The following FANK1 variants were observed in gnomAD, a reference collection of about 807,000 sequenced individuals.
FANK1 encodes fibronectin type III and ankyrin repeat domains 1, also known as fibronectin type 3 and ankyrin repeat domains protein 1.
A neutral mutation model predicts 45.3 loss-of-function variants in FANK1; 44 were observed. That is an observed-to-expected ratio of 0.97 (90% CI 0.76 to 1.25). FANK1 has a LOEUF of 1.25. FANK1 is among the 50% of genes most tolerant of loss of function. FANK1 has a pLI of 0.00. For synonymous variants in FANK1, 149 were observed against 152.5 expected (o/e 0.98, Z 0.17); for missense variants, 391 against 424.4 (o/e 0.92, Z 0.69).
chr10:125,913,037 AC>A (rs1405164106), intron 1 of FANK1, among the ~76,000 whole-genome samples: 1 of 152,244 alleles, frequency 6.6e-6, no homozygotes, highest in African/African-American at 2.4e-5. Flanking sequence ...ACAAATCAGA[AC>A]AAAAATCTAT....
chr10:125,967,443 GA>G (rs1282053228), intron 1 of FANK1, among the ~76,000 whole-genome samples: 1 of 152,202 alleles, frequency 6.6e-6, no homozygotes, highest in Admixed American at 6.5e-5. Flanking sequence ...AAAGTCTTGT[GA>G]AAACTTAGCT....
chr10:126,005,078 C>T (rs201296712), intron 7 of FANK1, 29 bp downstream of exon 7: 9 of 1,588,342 alleles, frequency 5.7e-6, no homozygotes, highest in Non-Finnish European at 7.7e-6. Flanking sequence ...TAACCACGCA[C>T]ATATCGTTAA....
In FANK1 at chr10:125,919,195, A is replaced by ATTTTTTTTTTTTT. The variant is rs142716284; in HGVS notation, c.13+22556_13+22568dup. 2.6e-3 allele frequency among the ~76,000 whole-genome samples: 135 copies of ATTTTTTTTTTTTT among 51,878 alleles called. 18 individuals carry two copies. The highest frequency in any genetic ancestry group is 0.019 in the Middle Eastern group (1 of 54). The allele number at this position is 51,878 out of a possible 152,430, so 34.0% of individuals were successfully genotyped here. A position where few individuals can be genotyped will look rare whatever the true frequency, so the allele number is the denominator to read the frequency against. On this transcript the variant is annotated intron_variant, in intron 1 of 10. Transcript: ENST00000368693. ...AGTAAAATACTTCCAGGAGGTAAGA[A>ATTTTTTTTTTTTT]TTTTTTTTTTTTTTTTTTTTTTTTT... is the stretch of plus-strand genomic sequence containing the variant.
intron 1 of FANK1, among the ~76,000 whole-genome samples, chr10:125,898,145 C>T (rs529966482): frequency 3.0e-4 from 46 of 151,982 alleles, no homozygotes; most frequent in Admixed American, 2.3e-3. Flanking sequence ...CCAGATTGCA[C>T]CGCTGCACTC....
intron 1 of FANK1, among the ~76,000 whole-genome samples, chr10:125,928,855 T>C (rs914982375): frequency 1.3e-5 from 2 of 152,226 alleles, no homozygotes; most frequent in Admixed American, 6.5e-5. Flanking sequence ...TCTTATATTA[T>C]GGACCAAAGT....
At chr10:126,007,676 TATGCGTGTGTGCACACACGA>T (rs2133357463) in intron 7 of FANK1, among the ~76,000 whole-genome samples, 1 of 111,846 alleles carries the variant, frequency 8.9e-6, no homozygotes, top group African/African-American at 3.0e-5. Context: ...GTGCACATGG[TATGCGTGTGTGCACACACGA>T]GTGTGTGTGC....
chr10:125,966,080 C>CAA (rs1950188199), intron 1 of FANK1, among the ~76,000 whole-genome samples: 1 of 152,106 alleles, frequency 6.6e-6, no homozygotes, highest in East Asian at 1.9e-4. Context: ...AGCAATGTTT[C>CAA]CCCATTACTA....
At chr10:125,964,602 T>G (rs948180164) in intron 1 of FANK1, among the ~76,000 whole-genome samples, 9 of 152,236 alleles carry the variant, frequency 5.9e-5, no homozygotes, top group Admixed American at 4.6e-4. Context: ...TTAACTTTAG[T>G]CTTAACTGCT....
chr10:125,908,790 A>T (rs1945751613), intron 1 of FANK1, among the ~76,000 whole-genome samples: 1 of 152,222 alleles, frequency 6.6e-6, no homozygotes, highest in Admixed American at 6.5e-5. Flanking sequence ...ACCACTTAAA[A>T]AAGAACATGT....
intron 6 of FANK1, among the ~76,000 whole-genome samples, chr10:125,998,469 T>C (rs1952508451): frequency 6.6e-6 from 1 of 151,630 alleles, no homozygotes. Context: ...AAAAGAAAAA[T>C]AGCAATCTGA....
intron 1 of FANK1, among the ~76,000 whole-genome samples, chr10:125,939,953 C>CA (rs2134152020): frequency 6.7e-6 from 1 of 149,420 alleles, no homozygotes; most frequent in East Asian, 1.9e-4. Flanking sequence ...TTTTTTGAGA[C>CA]AGAGTCTCGC....
chr10:125,921,665 CT>C (rs1946954286), intron 1 of FANK1, among the ~76,000 whole-genome samples: 1 of 152,032 alleles, frequency 6.6e-6, no homozygotes, highest in Admixed American at 6.6e-5. Flanking sequence ...CTGTCTGTTT[CT>C]TCTTGAGTTT....
At chr10:125,916,861 G>A (rs144603763) in intron 1 of FANK1, among the ~76,000 whole-genome samples, 27 of 152,288 alleles carry the variant, frequency 1.8e-4, no homozygotes, top group African/African-American at 6.3e-4. Context: ...CTTCTCTGAC[G>A]CAGGTCACAA....
chr10:125,923,480 C>A (rs886741603), intron 1 of FANK1, among the ~76,000 whole-genome samples: 8 of 151,312 alleles, frequency 5.3e-5, no homozygotes, highest in Admixed American at 3.3e-4. Flanking sequence ...AAATTTTTTT[C>A]ATCTATGCTT....
chr10:125,955,617 A>T (rs1949528468), intron 1 of FANK1, among the ~76,000 whole-genome samples: 1 of 152,088 alleles, frequency 6.6e-6, no homozygotes, highest in South Asian at 2.1e-4. Flanking sequence ...AGTAGCTGGG[A>T]CTACAGGTGT....
chr10:125,968,044 AGGTAAAAT>A (rs1201660042), intron 1 of FANK1, among the ~76,000 whole-genome samples: 1 of 152,092 alleles, frequency 6.6e-6, no homozygotes, highest in African/African-American at 2.4e-5. Flanking sequence ...ATAATTTTAT[AGGTAAAAT>A]GGTACCTTAC....
intron 1 of FANK1, among the ~76,000 whole-genome samples, chr10:125,900,529 C>T (rs954928757): frequency 5.9e-5 from 9 of 152,224 alleles, no homozygotes; most frequent in African/African-American, 1.4e-4. Context: ...AGAAGCCCCC[C>T]GGCTCCCACT....
At chr10:125,951,513 A>G (rs1181111426) in intron 1 of FANK1, among the ~76,000 whole-genome samples, 2 of 152,170 alleles carry the variant, frequency 1.3e-5, no homozygotes, top group Admixed American at 6.5e-5. Flanking sequence ...TCATTGAAAC[A>G]AGGCTGTGCT....
chr10:125,969,983 T>G lies in FANK1; in HGVS notation c.14-10178T>G, dbSNP rs150688485. ...AACAGCATCCCAAGGCAGAAGAATTTTTCTTAGTACAGAACGAAATGGAGT... is the reference window on the plus strand; with the variant it reads ...AACAGCATCCCAAGGCAGAAGAATTGTTCTTAGTACAGAACGAAATGGAGT... On this transcript the variant is annotated intron_variant, in intron 1 of 10. Coordinates refer to ENST00000368693, the MANE Select transcript of FANK1 (RefSeq NM_145235.5). Among the ~76,000 whole-genome samples the G allele has an allele frequency of 5.1e-3, 772 of 152,318 alleles. 5 individuals are homozygous for G. Among genetic ancestry groups the G allele is most frequent in the African/African-American group, 0.018 (747 of 41,568 alleles).
Sources: gnomAD v4.1 joint callset for allele counts (sites outside exome capture counted in the v4.1 genomes callset) on GRCh38, gnomAD v4.1.1 for gene constraint, MANE v1.5 for transcripts, NCBI Gene and HGNC (gene_info 2026-07-23, HGNC 2026-07-21) for gene names.